CADM4: variants seen among roughly 807,000 people sequenced by gnomAD.
The protein encoded by CADM4 is cell adhesion molecule 4, also known as TSLC1-like 2.
In CADM4, 13 loss-of-function variants were observed where a neutral mutation model predicts 43.9. That is an observed-to-expected ratio of 0.30 (90% CI 0.19 to 0.47). The LOEUF (loss-of-function observed/expected upper bound fraction) is 0.47, where lower values mean the gene tolerates loss of function less well. Ranked by LOEUF, CADM4 falls within the 20% of genes least tolerant of loss-of-function variation. The pLI is 1.00. For missense variants in CADM4, 420 were observed against 527.0 expected, an observed-to-expected ratio of 0.80 and a Z score of 1.99; for synonymous variants, 209 against 220.9, an observed-to-expected ratio of 0.95 and a Z score of 0.48.
At position 43,626,010 on chromosome 19, in the gene CADM4, CA is replaced by C; in HGVS notation, c.665-10del. The C allele has an allele frequency of 6.2e-7, 1 of 1,614,100 alleles. No individual in the cohort carries two copies. The highest frequency in any genetic ancestry group is 8.5e-7 in the Non-Finnish European group (1 of 1,179,986). On this transcript the variant is annotated splice_polypyrimidine_tract_variant and intron_variant, in intron 5 of 8. Coordinates refer to ENST00000222374, the MANE Select transcript of CADM4 (RefSeq NM_145296.2). The surrounding 1 kb of genome is among the most constrained non-coding windows in gnomAD (Gnocchi z 5.9). ...CCGGGCCGTGGGGGAGTCTGTTAGG[CA>C]AAAGTAAGAGGAGAGAGTAGTTTCC...
intron 1 of CADM4, among the ~76,000 whole-genome samples, chr19:43,630,287 T>C (rs1366723847): frequency 2.2e-5 from 3 of 136,992 alleles, no homozygotes; most frequent in African/African-American, 8.6e-5. Context: ...TTTTCTTTTT[T>C]TTTTTTTTTT....
rs12984812 is a variant in CADM4, at chr19:43,626,330, C to T, written c.500-42G>A. 6 of 1,595,818 alleles carry T rather than the reference C, an allele frequency of 3.8e-6. No individual in the cohort carries two copies. Among genetic ancestry groups the T allele is most frequent in the Non-Finnish European group, 5.1e-6 (6 of 1,172,612 alleles). On this transcript the variant is annotated intron_variant, in intron 4 of 8. Coordinates refer to ENST00000222374, the MANE Select transcript of CADM4 (RefSeq NM_145296.2). The surrounding 1 kb of genome is among the most constrained non-coding windows in gnomAD (Gnocchi z 5.9). Reference sequence around the variant, plus strand: ...AGACACTGTCAGGCCACAATTCCGGCTCCATCCACCCACCCACCCGAGCCA... The same window carrying T: ...AGACACTGTCAGGCCACAATTCCGGTTCCATCCACCCACCCACCCGAGCCA...
Position 43,625,317 on chromosome 19 carries a change from A to T in CADM4, c.756-67T>A. 6.7e-7 allele frequency: 1 copy of T among 1,501,766 alleles called. No homozygotes were observed. The highest frequency in any genetic ancestry group is 9.0e-7 in the Non-Finnish European group (1 of 1,105,842). 93.0% of individuals were successfully genotyped at this position (1,501,766 alleles called of 1,614,324 possible). On this transcript the variant is annotated intron_variant, in intron 6 of 8. Transcript: ENST00000222374. This position sits in a 1 kb window ranked among gnomAD's most constrained non-coding sequence, Gnocchi z 4.5. The stretch of plus-strand genomic sequence containing the variant: ...GCCAGCACCCAATTCTGACTTGTCA[A>T]GAATCTAGACATGCAACTCTCATCC...
chr19:43,635,068 C>T (rs1418546312), intron 1 of CADM4, among the ~76,000 whole-genome samples: 1 of 152,032 alleles, frequency 6.6e-6, no homozygotes, highest in Non-Finnish European at 1.5e-5. Flanking sequence ...CAGCCCCCTC[C>T]TCCTTCAGGA....
At chr19:43,636,500 C>T (rs1161996818) in intron 1 of CADM4, among the ~76,000 whole-genome samples, 1 of 152,206 alleles carries the variant, frequency 6.6e-6, no homozygotes, top group African/African-American at 2.4e-5. Context: ...TGCGTGCCTG[C>T]TCCCTATGGG....
chr19:43,640,233 G>A (rs1407624972), upstream of CADM4, among the ~76,000 whole-genome samples: 1 of 151,746 alleles, frequency 6.6e-6, no homozygotes, highest in Non-Finnish European at 1.5e-5. Flanking sequence ...GCGAGGGTGG[G>A]GGCGCGGGCG....
upstream of CADM4, chr19:43,639,939 G>C (rs937440615): frequency 1.9e-6 from 1 of 525,312 alleles, no homozygotes; most frequent in Non-Finnish European, 2.4e-6. Context: ...AGGGGGAGAC[G>C]GAGGAGAGGC....
In CADM4 at chr19:43,627,851, T is replaced by A; in HGVS notation, c.65-61A>T. On this transcript the variant is annotated intron_variant, in intron 1 of 8. Transcript: ENST00000222374. The surrounding 1 kb of genome is among the most constrained non-coding windows in gnomAD (Gnocchi z 4.0). ...TACTGAGAGCTGCAATTCAATTTTT[T>A]CTTTCTCCCTCTTCCCCATCCAAAC... The A allele has an allele frequency of 6.6e-7, 1 of 1,516,868 alleles. No homozygotes were observed. Among genetic ancestry groups the A allele is most frequent in the South Asian group, 1.2e-5 (1 of 83,280 alleles). 94.0% of individuals were successfully genotyped at this position (1,516,868 alleles called of 1,614,324 possible).
At chr19:43,630,186 T>G (rs1028722188) in intron 1 of CADM4, among the ~76,000 whole-genome samples, 9 of 151,772 alleles carry the variant, frequency 5.9e-5, no homozygotes, top group Non-Finnish European at 7.4e-5. Flanking sequence ...ATTACAGGCA[T>G]GAGCCACTGT....
upstream of CADM4, among the ~76,000 whole-genome samples, chr19:43,641,517 G>C (rs1489384429): frequency 2.6e-5 from 4 of 151,456 alleles, no homozygotes; most frequent in Non-Finnish European, 4.4e-5. Context: ...CTGTCCTTCA[G>C]GTCCAAGCTC....
chr19:43,634,525 C>A (rs1265622314), intron 1 of CADM4, among the ~76,000 whole-genome samples: 1 of 151,816 alleles, frequency 6.6e-6, no homozygotes, highest in Non-Finnish European at 1.5e-5. Flanking sequence ...GTTTTACTCC[C>A]TCCCCCTCCT....
chr19:43,636,382 C>T (rs1373082422), intron 1 of CADM4, among the ~76,000 whole-genome samples: 1 of 152,104 alleles, frequency 6.6e-6, no homozygotes, highest in African/African-American at 2.4e-5. Context: ...GCACTGAGCT[C>T]CCTCTGTCCG....
At chr19:43,632,077 T>A (rs943359051) in intron 1 of CADM4, among the ~76,000 whole-genome samples, 8 of 152,116 alleles carry the variant, frequency 5.3e-5, no homozygotes, top group African/African-American at 1.2e-4. Context: ...AATATCAAGC[T>A]TAACATGTCC....
upstream of CADM4, among the ~76,000 whole-genome samples, chr19:43,640,377 G>A (rs530830068): frequency 3.7e-4 from 56 of 152,004 alleles, no homozygotes; most frequent in African/African-American, 1.3e-3. Flanking sequence ...TCTAGCGAGA[G>A]GCTGTGAGCT....
Position 43,625,362 on chromosome 19 carries a change from G to A in CADM4, c.756-112C>T. ...TCATCCCGCAGGGACCTCCAAATAA[G>A]AGGCTTCCTGCTATCTCTTTCCTTT... On this transcript the variant is annotated intron_variant, in intron 6 of 8. Coordinates refer to ENST00000222374, the MANE Select transcript of CADM4 (RefSeq NM_145296.2). The surrounding 1 kb of genome is among the most constrained non-coding windows in gnomAD (Gnocchi z 4.5). 2 of 1,050,544 alleles carry A rather than the reference G, an allele frequency of 1.9e-6. No homozygotes were observed. Among genetic ancestry groups the A allele is most frequent in the South Asian group, 3.3e-5 (2 of 60,974 alleles). 65.1% of individuals were successfully genotyped at this position (1,050,544 alleles called of 1,614,324 possible). A position where few individuals can be genotyped will look rare whatever the true frequency, so the allele number is the denominator to read the frequency against.
upstream of CADM4, chr19:43,639,895 G>A: frequency 1.1e-6 from 1 of 882,948 alleles, no homozygotes; most frequent in Non-Finnish European, 1.4e-6. Context: ...GCCCGGGGGC[G>A]GGGCGCCGAG....
At chr19:43,641,363 C>T (rs1184377861), upstream of CADM4, among the ~76,000 whole-genome samples, 1 of 152,170 alleles carries the variant, frequency 6.6e-6, no homozygotes, top group Non-Finnish European at 1.5e-5. Flanking sequence ...GTACCCAGCT[C>T]CCAGTATCCT....
rs1368804039 is a variant in CADM4 at position 43,626,152 on chromosome 19, C to T, written c.636G>A (p.Lys212=). Residue 212 remains lysine, a synonymous_variant, in exon 5 of 9, where the codon AAG becomes AAA. Transcript: ENST00000222374. The surrounding 1 kb of genome is among the most constrained non-coding windows in gnomAD (Gnocchi z 5.9). ...GCACATCCAGCACGTACTGCGTCTGCTTGCTGTGTCCGGAGGGCAGCGCCT... is the reference window on the plus strand; with the variant it reads ...GCACATCCAGCACGTACTGCGTCTGTTTGCTGTGTCCGGAGGGCAGCGCCT... ...QNQALPSGHS[K]QTQYVLDVQY... is the part of the protein sequence containing the mutation. 3 of 1,613,952 alleles carry T rather than the reference C, an allele frequency of 1.9e-6. No individual in the cohort carries two copies. Among genetic ancestry groups the T allele is most frequent in the Non-Finnish European group, 2.5e-6 (3 of 1,179,952 alleles).
intron 1 of CADM4, among the ~76,000 whole-genome samples, chr19:43,630,784 G>A (rs17655646): frequency 0.22 from 32,970 of 152,052 alleles, 3,896 homozygotes; most frequent in South Asian, 0.27. Flanking sequence ...GATGGGCCTC[G>A]AATGCCAACC....
Sources: gnomAD v4.1 joint callset for allele counts (sites outside exome capture counted in the v4.1 genomes callset) on GRCh38, gnomAD v4.1.1 for gene constraint, Gnocchi (gnomAD v3.1) non-coding constraint, MANE v1.5 for transcripts, NCBI Gene and HGNC (gene_info 2026-07-23, HGNC 2026-07-21) for gene names.